DUSP22: variants seen among roughly 807,000 people sequenced by gnomAD.
DUSP22 encodes the protein dual specificity protein phosphatase 22.
DUSP22 carries 24 observed loss-of-function variants against 24.5 expected under a neutral mutation model. That is an observed-to-expected ratio of 0.98 (90% CI 0.71 to 1.38). The LOEUF (loss-of-function observed/expected upper bound fraction) is 1.38, where lower values mean the gene tolerates loss of function less well. Ranked by LOEUF, DUSP22 falls within the 40% of genes most tolerant of loss-of-function variation. The pLI is 0.00. For missense variants in DUSP22, 330 were observed against 269.2 expected (o/e 1.23, Z -1.58); for synonymous variants, 160 against 106.4 (o/e 1.50, Z -3.10).
At chr6:344,811 GA>G (rs1356005916) in intron 4 of DUSP22, among the ~76,000 whole-genome samples, 7 of 151,500 alleles carry the variant, frequency 4.6e-5, no homozygotes, top group Non-Finnish European at 1.5e-5. Flanking sequence ...CAGTTTGAGA[GA>G]ATGCTTTTAG....
chr6:350,492 T>C lies in DUSP22; in HGVS notation c.*1541T>C. 1 of 1,212,220 alleles carries C rather than the reference T, an allele frequency of 8.2e-7. No individual in the cohort carries two copies. The highest frequency in any genetic ancestry group is 2.1e-5 in the South Asian group (1 of 46,610). 75.1% of individuals were successfully genotyped at this position (1,212,220 alleles called of 1,614,324 possible). ...AGACCCTGAATAAGAAGAGCAGTTTTCCTGTGCATATAGAGGGTGTGTCAA... is the reference window on the plus strand; with the variant it reads ...AGACCCTGAATAAGAAGAGCAGTTTCCCTGTGCATATAGAGGGTGTGTCAA... On this transcript the variant is annotated 3_prime_UTR_variant, in exon 7 of 7. Coordinates refer to ENST00000419235, the MANE Select transcript of DUSP22 (RefSeq NM_001286555.3).
intron 2 of DUSP22, among the ~76,000 whole-genome samples, chr6:310,255 C>T (rs1758015442): frequency 6.6e-6 from 1 of 152,308 alleles, no homozygotes; most frequent in Admixed American, 6.5e-5. Flanking sequence ...GTCACCATGC[C>T]CGGCCTAAAC....
At chr6:345,810 GAGTAA>G (rs1272428736) in intron 4 of DUSP22, 39 bp from the exon 5 acceptor site, 5 of 1,605,858 alleles carry the variant, frequency 3.1e-6, no homozygotes, top group East Asian at 4.5e-5. Context: ...ATCATATATT[GAGTAA>G]AGTAGAGAGA....
chr6:344,794 G>A (rs57919214), intron 4 of DUSP22, among the ~76,000 whole-genome samples: 4,232 of 151,138 alleles, frequency 0.028, 4 homozygotes, highest in East Asian at 0.1. Flanking sequence ...CCAAAGTCCC[G>A]GGAGACCAGT....
intron 2 of DUSP22, among the ~76,000 whole-genome samples, chr6:311,048 G>C (rs1758061660): frequency 6.6e-6 from 1 of 152,302 alleles, no homozygotes; most frequent in East Asian, 1.9e-4. Flanking sequence ...GTAAAATAGG[G>C]GCTCAAGTTT....
chr6:320,502 C>T (rs1040389888), intron 3 of DUSP22: 4 of 152,960 alleles, frequency 2.6e-5, no homozygotes, highest in Non-Finnish European at 5.8e-5. Flanking sequence ...AGCGCGTGGG[C>T]TCCTCCGTGT....
rs544164962 is a variant in DUSP22, at chr6:346,049, C to T, written c.263+121C>T. ...CCTAATAGTTTTCTGTAAACCCTGA[C>T]TCTCAAACGCGTGCTCCATTTGTCC... On this transcript the variant is annotated intron_variant, in intron 5 of 6. Coordinates refer to ENST00000419235, the MANE Select transcript of DUSP22 (RefSeq NM_001286555.3). 27 of 1,247,406 alleles carry T rather than the reference C, an allele frequency of 2.2e-5. No homozygotes were observed. In the African/African-American group the frequency reaches 3.7e-4, roughly 17 times the overall value. 77.3% of individuals were successfully genotyped at this position (1,247,406 alleles called of 1,614,324 possible).
intron 5 of DUSP22, among the ~76,000 whole-genome samples, 190 bp from the exon 6 acceptor site, chr6:347,913 C>T (rs1183633967): frequency 1.3e-5 from 2 of 152,286 alleles, no homozygotes. Context: ...ATTCTAGTGC[C>T]AGGAAGCATA....
intron 1 of DUSP22, among the ~76,000 whole-genome samples, chr6:296,252 A>G (rs1757323238): frequency 1.3e-5 from 2 of 152,304 alleles, no homozygotes; most frequent in Non-Finnish European, 2.9e-5. Flanking sequence ...GGCCAAAATT[A>G]TAATTGCCAA....
intron 1 of DUSP22, among the ~76,000 whole-genome samples, chr6:297,205 C>A (rs1010419045): frequency 2.6e-5 from 4 of 152,298 alleles, no homozygotes; most frequent in African/African-American, 9.6e-5. Context: ...AACTAAGAAA[C>A]CTTAGGTGGT....
intron 1 of DUSP22, among the ~76,000 whole-genome samples, chr6:300,331 T>G (rs1180760738): frequency 1.3e-5 from 2 of 152,288 alleles, no homozygotes; most frequent in Non-Finnish European, 2.9e-5. Context: ...TCCTGAAAGG[T>G]CTCCCTTGCC....
intron 1 of DUSP22, among the ~76,000 whole-genome samples, chr6:293,113 T>C (rs1326931593): frequency 2.0e-5 from 3 of 152,224 alleles, no homozygotes; most frequent in African/African-American, 7.2e-5. Context: ...AGATTCAGAG[T>C]TGATTAGGTT....
intron 3 of DUSP22, among the ~76,000 whole-genome samples, chr6:316,847 A>G (rs1481409745): frequency 6.6e-6 from 1 of 152,310 alleles, no homozygotes; most frequent in Non-Finnish European, 1.5e-5. Context: ...GTAAGATGAC[A>G]GTGTAGGATC....
At chr6:312,992 C>T (rs1274896986) in intron 3 of DUSP22, among the ~76,000 whole-genome samples, 3 of 118,640 alleles carry the variant, frequency 2.5e-5, no homozygotes, top group Non-Finnish European at 4.9e-5. Flanking sequence ...TGCTAAGGTG[C>T]TGTAATTTGT....
chr6:296,509 A>C (rs1302946864), intron 1 of DUSP22, among the ~76,000 whole-genome samples: 1 of 152,300 alleles, frequency 6.6e-6, no homozygotes, highest in Admixed American at 6.5e-5. Context: ...GATTAGGGTT[A>C]AACTAAACAG....
At chr6:304,724 C>G in intron 2 of DUSP22, 63 bp downstream of exon 2, 1 of 1,602,642 alleles carries the variant, frequency 6.2e-7, no homozygotes, top group Non-Finnish European at 8.6e-7. Context: ...GTCATCTTGA[C>G]CATTTTAAAG....
chr6:332,141 T>A (rs1302850917), intron 3 of DUSP22, among the ~76,000 whole-genome samples: 1 of 152,304 alleles, frequency 6.6e-6, no homozygotes, highest in Non-Finnish European at 1.5e-5. Context: ...GTGCCTGCTG[T>A]GTGCCGGGCA....
At chr6:302,771 A>G (rs1757643032) in intron 1 of DUSP22, among the ~76,000 whole-genome samples, 1 of 152,304 alleles carries the variant, frequency 6.6e-6, no homozygotes, top group African/African-American at 2.4e-5. Flanking sequence ...CACTTGGTTA[A>G]GCCAGCAAGG....
chr6:351,043 A>G lies in DUSP22; in HGVS notation c.*2092A>G, dbSNP rs1195102669. 3 of 1,017,122 alleles carry G rather than the reference A, an allele frequency of 2.9e-6. No homozygotes were observed. Among genetic ancestry groups the G allele is most frequent in the Admixed American group, 5.2e-5 (2 of 38,190 alleles). The allele number at this position is 1,017,122 out of a possible 1,614,324, so 63.0% of individuals were successfully genotyped here. Reference sequence around the variant, plus strand: ...TGAGAACTAAGGATATTCTTTAGCAAGAGAAAATATTTTCCCCTTATCCCC... The same window carrying G: ...TGAGAACTAAGGATATTCTTTAGCAGGAGAAAATATTTTCCCCTTATCCCC... On this transcript the variant is annotated 3_prime_UTR_variant, in exon 7 of 7. Coordinates refer to ENST00000419235, the MANE Select transcript of DUSP22 (RefSeq NM_001286555.3).
Sources: allele counts gnomAD v4.1 joint callset (sites outside exome capture counted in the v4.1 genomes callset), GRCh38; gene constraint gnomAD v4.1.1; transcripts MANE v1.5; gene names NCBI Gene and HGNC (gene_info 2026-07-23, HGNC 2026-07-21).